The following GMIP variants were observed in gnomAD, a reference collection of about 807,000 sequenced individuals.
GMIP encodes the protein GEM-interacting protein.
In GMIP, 54 loss-of-function variants were observed where a neutral mutation model predicts 105.3. That is an observed-to-expected ratio of 0.51 (90% confidence interval 0.41 to 0.64). The LOEUF (loss-of-function observed/expected upper bound fraction) is 0.64. Ranked by LOEUF, GMIP falls within the 30% of genes least tolerant of loss-of-function variation. GMIP has a pLI of 0.00. For missense variants in GMIP, 1,110 were observed against 1,319.4 expected, an observed-to-expected ratio of 0.84 and a Z score of 2.46; for synonymous variants, 541 against 560.8, an observed-to-expected ratio of 0.96 and a Z score of 0.50.
Position 19,629,974 on chromosome 19 carries a change from C to A in GMIP, c.2902G>T (p.Asp968Tyr). The stretch of plus-strand genomic sequence containing the variant: ...AGGTGCCAGGGTGGTCAGAGATGGT[C>A]CTCGGCTTCCTCAGGCTGGACGTCC... ...CPDVQPEEAEDHL is the reference protein window; with the variant it reads ...CPDVQPEEAEYHL Residue 968 changes from aspartate (D) to tyrosine (Y), a missense_variant, in exon 21 of 21, where the codon GAC (aspartate) becomes TAC (tyrosine). Asp to Tyr is a radical substitution (Grantham distance 160). Coordinates refer to ENST00000203556, the MANE Select transcript of GMIP (RefSeq NM_016573.4). 1 of 1,608,664 alleles carries A rather than the reference C, an allele frequency of 6.2e-7. No homozygotes were observed. Among genetic ancestry groups the A allele is most frequent in the Non-Finnish European group, 8.5e-7 (1 of 1,178,166 alleles).
At position 19,642,014 on chromosome 19, in the gene GMIP, C is replaced by T. The variant is rs2061926429; in HGVS notation, c.142G>A (p.Glu48Lys). The T allele has an allele frequency of 1.4e-5, 22 of 1,613,732 alleles. 1 individual carries two copies. The East Asian group carries it at 4.7e-4, about 34-fold the overall frequency. ...GGGGTCTTGTCAGGTTCTGGGTCTT[C>T]TGAGAGTAGAGGGTCTCCAGCCAGC... ...EMLAGDPLLSEDPEPDKTPTA... is the reference protein window; with the variant it reads ...EMLAGDPLLSKDPEPDKTPTA... Residue 48 changes from glutamate (E) to lysine (K), a missense_variant, in exon 3 of 21, where the codon GAA becomes AAA. Transcript: ENST00000203556.
Position 19,634,596 on chromosome 19 carries a change from A to T in GMIP, c.1995T>A (p.Pro665=), listed in dbSNP as rs765080976. 6.2e-7 allele frequency: 1 copy of T among 1,613,558 alleles called. No individual in the cohort carries two copies. The highest frequency in any genetic ancestry group is 8.5e-7 in the Non-Finnish European group (1 of 1,179,796). ...GDDPGTPSPS[P]EVIRSLKTLL... ...GGGTCTTCAGCGAGCGGATAACCTC[A>T]GGGCTGGGGCTGGGGGTCCCAGGGT... The change falls in exon 18 of 21, where the codon CCT becomes CCA. Residue 665 remains proline (P), a synonymous_variant. Transcript: ENST00000203556. The surrounding 1 kb of genome is among the most constrained non-coding windows in gnomAD (Gnocchi z 6.1).
chr19:19,639,814 A>G (rs1033200865), intron 7 of GMIP, among the ~76,000 whole-genome samples: 1 of 152,170 alleles, frequency 6.6e-6, no homozygotes, highest in Admixed American at 6.6e-5. Flanking sequence ...GCACCATTGC[A>G]CCCCAGCCTG....
intron 19 of GMIP, among the ~76,000 whole-genome samples, chr19:19,631,975 G>T (rs578017851): frequency 5.4e-4 from 74 of 137,204 alleles, no homozygotes; most frequent in Middle Eastern, 9.6e-3. Context: ...GTGACAGAGC[G>T]AGACTCCATC....
chr19:19,640,048 G>A, intron 7 of GMIP, 37 bp downstream of exon 7: 1 of 1,204,926 alleles, frequency 8.3e-7, no homozygotes, highest in Non-Finnish European at 1.2e-6. Context: ...CAGGATAGCA[G>A]GGTGACCTCT....
chr19:19,630,564 C>T lies in GMIP; in HGVS notation c.2473-27G>A. ...TGCAGGGAGAAACCCAAGAATGAGA[C>T]CCCAACACTAAAATCCCAGTTCTTT... On this transcript the variant is annotated intron_variant, in intron 19 of 20. Transcript: ENST00000203556. The surrounding 1 kb of genome is among the most constrained non-coding windows in gnomAD (Gnocchi z 4.8). 6.3e-7 allele frequency: 1 copy of T among 1,580,904 alleles called. No homozygotes were observed. Among genetic ancestry groups the T allele is most frequent in the African/African-American group, 1.3e-5 (1 of 74,336 alleles).
Position 19,630,153 on chromosome 19 carries a change from A to G in GMIP, c.2723T>C (p.Leu908Ser). 1.2e-6 allele frequency: 2 copies of G among 1,604,820 alleles called. No individual in the cohort carries two copies. Among genetic ancestry groups the G allele is most frequent in the South Asian group, 2.2e-5 (2 of 90,222 alleles). ...TGCAGGGCTGGGCCCCCGCCCCCGCAAACTCCCTCTGGGCACTGATGTGAT... is the reference window on the plus strand; with the variant it reads ...TGCAGGGCTGGGCCCCCGCCCCCGCGAACTCCCTCTGGGCACTGATGTGAT... ...TPITSVPRGS[L>S]RGRGPSPAAA... Residue 908 changes from leucine to serine, a missense_variant, in exon 21 of 21, where the codon TTG (leucine) becomes TCG (serine). Leu to Ser is a moderately radical substitution (Grantham distance 145). Transcript: ENST00000203556. The surrounding 1 kb of genome is among the most constrained non-coding windows in gnomAD (Gnocchi z 4.8).
In GMIP at chr19:19,637,117, A is replaced by T; in HGVS notation, c.1125-88T>A. ...GGCATCATGTCTAGGTACCAACTCC[A>T]AGCACTTGGGTCTGCAAACCCTGAC... is the stretch of plus-strand genomic sequence containing the variant. On this transcript the variant is annotated intron_variant, in intron 11 of 20. Transcript: ENST00000203556. This position sits in a 1 kb window ranked among gnomAD's most constrained non-coding sequence, Gnocchi z 6.7. 2.3e-6 allele frequency: 2 copies of T among 880,412 alleles called. No individual in the cohort carries two copies. The highest frequency in any genetic ancestry group is 3.1e-5 in the South Asian group (2 of 64,106). The allele number at this position is 880,412 out of a possible 1,614,324, so 54.5% of individuals were successfully genotyped here.
rs1033865611 is a variant in GMIP at position 19,637,198 on chromosome 19, C to A, written c.1124+167G>T. Among the ~76,000 whole-genome samples, 1 of 152,154 alleles carries A rather than the reference C, an allele frequency of 6.6e-6. No individual in the cohort carries two copies. Among genetic ancestry groups the A allele is most frequent in the Non-Finnish European group, 1.5e-5 (1 of 68,016 alleles). ...TAGCCCCACATTCCTGCCCCTGCCC[C>A]TAGGACTGGGACAACCCATTCACCC... On this transcript the variant is annotated intron_variant, in intron 11 of 20. Coordinates refer to ENST00000203556, the MANE Select transcript of GMIP (RefSeq NM_016573.4). The surrounding 1 kb of genome is among the most constrained non-coding windows in gnomAD (Gnocchi z 6.7).
Position 19,638,465 on chromosome 19 carries a change from C to T in GMIP, c.555G>A (p.Arg185=), listed in dbSNP as rs752986817. The T allele has an allele frequency of 6.2e-7, 1 of 1,614,102 alleles. No individual in the cohort carries two copies. Among genetic ancestry groups the T allele is most frequent in the South Asian group, 1.1e-5 (1 of 91,074 alleles). The part of the protein sequence containing the change: ...RDYYQPLAAK[R]TEIEKWRKEF... ...CCTTCCGCCACTTCTCAATCTCAGT[C>T]CGTTTGGCGGCGAGGGGCTGGCAAG... The change falls in exon 8 of 21, where the codon CGG becomes CGA. Residue 185 remains arginine (R), a synonymous_variant. Transcript: ENST00000203556.
In GMIP at chr19:19,629,924, A is replaced by G; in HGVS notation, c.*39T>C. On this transcript the variant is annotated 3_prime_UTR_variant, in exon 21 of 21. Coordinates refer to ENST00000203556, the MANE Select transcript of GMIP (RefSeq NM_016573.4). The stretch of plus-strand genomic sequence containing the variant: ...GGTAGGGATATATGGGTCCGTCTTC[A>G]CAATCTGGGCCTCTTCCTTATTTAA... 2.5e-6 allele frequency: 4 copies of G among 1,581,080 alleles called. No homozygotes were observed. Among genetic ancestry groups the G allele is most frequent in the Non-Finnish European group, 3.4e-6 (4 of 1,165,264 alleles).
Position 19,635,874 on chromosome 19 carries a change from A to G in GMIP, c.1328-153T>C, listed in dbSNP as rs1158569945. Reference sequence around the variant, plus strand: ...TTAAGGGTTGGAGAATTGGGTCAGCAACCTGAGGGGGGTGGTTCATAAGCT... The same window carrying G: ...TTAAGGGTTGGAGAATTGGGTCAGCGACCTGAGGGGGGTGGTTCATAAGCT... On this transcript the variant is annotated intron_variant, in intron 13 of 20. Transcript: ENST00000203556. This position sits in a 1 kb window ranked among gnomAD's most constrained non-coding sequence, Gnocchi z 4.7. Among the ~76,000 whole-genome samples, 2 of 152,170 alleles carry G rather than the reference A, an allele frequency of 1.3e-5. No individual in the cohort carries two copies. Among genetic ancestry groups the G allele is most frequent in the African/African-American group, 2.4e-5 (1 of 41,430 alleles).
intron 4 of GMIP, among the ~76,000 whole-genome samples, 156 bp from the exon 5 acceptor site, chr19:19,640,727 T>G (rs1408345287): frequency 6.6e-6 from 1 of 152,126 alleles, no homozygotes; most frequent in African/African-American, 2.4e-5. Context: ...ATTTTACAGA[T>G]TCACTGTTTT....
rs1373711166 is a variant in GMIP, at chr19:19,636,658, G to C, written c.1327+49C>G. The stretch of plus-strand genomic sequence containing the variant: ...AGGGTCAGAGCTTGGCCAGGGGCTG[G>C]AGGATGGTCACAGGTGGAGTGTGGG... On this transcript the variant is annotated intron_variant, in intron 13 of 20. Transcript: ENST00000203556. The C allele has an allele frequency of 3.7e-6, 5 of 1,361,166 alleles. No homozygotes were observed. In the African/African-American group the frequency reaches 5.7e-5, roughly 16 times the overall value. 84.3% of individuals were successfully genotyped at this position (1,361,166 alleles called of 1,614,324 possible). A position where few individuals can be genotyped will look rare whatever the true frequency, so the allele number is the denominator to read the frequency against.
rs753169213 is a variant in GMIP, at chr19:19,637,026, G to A, written c.1128C>T (p.Ser376=). ...AGAGCTTCTTTCTGATGTCCAGAGG[G>A]GAGCTGAGAAGACAGAAGTTTGAAG... ...FQEFLPSLNS[S]PLDIRKKLSG... The change falls in exon 12 of 21, where the codon TCC becomes TCT. Residue 376 remains serine (S), a synonymous_variant. Coordinates refer to ENST00000203556, the MANE Select transcript of GMIP (RefSeq NM_016573.4). This position sits in a 1 kb window ranked among gnomAD's most constrained non-coding sequence, Gnocchi z 6.7. The A allele has an allele frequency of 1.9e-6, 3 of 1,559,884 alleles. No homozygotes were observed. The highest frequency in any genetic ancestry group is 1.7e-4 in the Middle Eastern group (1 of 5,992).
At chr19:19,633,693 G>C (rs2061818718) in intron 19 of GMIP, 110 bp downstream of exon 19, 1 of 754,292 alleles carries the variant, frequency 1.3e-6, no homozygotes, top group African/African-American at 1.8e-5. Flanking sequence ...ATGAGGAAGG[G>C]AGGAAGAGAA....
intron 2 of GMIP, 37 bp from the exon 3 acceptor site, chr19:19,642,088 C>G (rs1312832409): frequency 7.0e-7 from 1 of 1,421,340 alleles, no homozygotes; most frequent in Admixed American, 1.7e-5. Flanking sequence ...CCACCTTACA[C>G]CCAGTCTGTC....
Position 19,635,612 on chromosome 19 carries a change from TC to T in GMIP, c.1405+31del. On this transcript the variant is annotated intron_variant, in intron 14 of 20. Coordinates refer to ENST00000203556, the MANE Select transcript of GMIP (RefSeq NM_016573.4). This position sits in a 1 kb window ranked among gnomAD's most constrained non-coding sequence, Gnocchi z 4.7. ...CAGGAGTGCCTGGTGCCCTGCCCTG[TC>T]CCATCCTGACCTACCCTGCTTCAGC... 6.2e-7 allele frequency: 1 copy of T among 1,613,766 alleles called. No homozygotes were observed. Among genetic ancestry groups the T allele is most frequent in the Non-Finnish European group, 8.5e-7 (1 of 1,179,724 alleles).
Position 19,630,976 on chromosome 19 carries a change from G to A in GMIP, c.2473-439C>T, listed in dbSNP as rs1428325616. Among the ~76,000 whole-genome samples, 1 of 152,116 alleles carries A rather than the reference G, an allele frequency of 6.6e-6. No individual in the cohort carries two copies. The highest frequency in any genetic ancestry group is 1.5e-5 in the Non-Finnish European group (1 of 68,022). ...AGCACTTTGGGAGGCTGAGGTTGGT[G>A]GATTATCTGAGGTCAGGAGTTCGGG... On this transcript the variant is annotated intron_variant, in intron 19 of 20. Coordinates refer to ENST00000203556, the MANE Select transcript of GMIP (RefSeq NM_016573.4). This position sits in a 1 kb window ranked among gnomAD's most constrained non-coding sequence, Gnocchi z 4.8.
Sources: gnomAD v4.1 joint callset for allele counts (sites outside exome capture counted in the v4.1 genomes callset) on GRCh38, gnomAD v4.1.1 for gene constraint, Gnocchi (gnomAD v3.1) non-coding constraint, MANE v1.5 for transcripts, NCBI Gene and HGNC (gene_info 2026-07-23, HGNC 2026-07-21) for gene names.